Variants in CTNNAL1 observed in about 807,000 individuals in gnomAD.
CTNNAL1 encodes catenin alpha like 1.
Under a neutral mutation model 93.6 loss-of-function variants are expected in CTNNAL1, and 69 were observed. The observed-to-expected ratio is 0.74, with a 90% CI of 0.61 to 0.90. The LOEUF is 0.90. Among genes scored for constraint, CTNNAL1 ranks in the 40% least tolerant of loss-of-function variants. The pLI is 0.00. For missense variants in CTNNAL1, 836 were observed against 862.0 expected, an observed-to-expected ratio of 0.97 and a Z score of 0.38; for synonymous variants, 286 against 305.4, an observed-to-expected ratio of 0.94 and a Z score of 0.66.
At chr9:108,950,342 A>G (rs1830524353) in intron 14 of CTNNAL1, among the ~76,000 whole-genome samples, 1 of 152,220 alleles carries the variant, frequency 6.6e-6, no homozygotes, top group Non-Finnish European at 1.5e-5. Flanking sequence ...TCATGTTGGG[A>G]AGACTCAATC....
chr9:108,953,350 G>C (rs192093347), intron 12 of CTNNAL1, among the ~76,000 whole-genome samples: 63 of 152,288 alleles, frequency 4.1e-4, no homozygotes, highest in African/African-American at 1.4e-3. Flanking sequence ...CTCCAACTCT[G>C]AGATCTGGTG....
intron 9 of CTNNAL1, 61 bp from the exon 10 acceptor site, chr9:108,970,555 T>C: frequency 1.4e-6 from 2 of 1,387,616 alleles, no homozygotes. Context: ...ATACATAGTA[T>C]CATTTTATAA....
chr9:108,955,971 C>T, intron 11 of CTNNAL1, 144 bp from the exon 12 acceptor site: 1 of 520,304 alleles, frequency 1.9e-6, no homozygotes, highest in East Asian at 3.6e-5. Flanking sequence ...ACATAAAATT[C>T]AGAAATAAAA....
intron 8 of CTNNAL1, among the ~76,000 whole-genome samples, chr9:108,973,845 G>A (rs1342388845): frequency 6.6e-6 from 1 of 152,134 alleles, no homozygotes; most frequent in Non-Finnish European, 1.5e-5. Context: ...CAAATTAGAG[G>A]ATTGTCTCCA....
At chr9:108,957,615 G>A (rs1216720385) in intron 11 of CTNNAL1, among the ~76,000 whole-genome samples, 1 of 152,018 alleles carries the variant, frequency 6.6e-6, no homozygotes, top group Admixed American at 6.6e-5. Flanking sequence ...ATGGTGAGGG[G>A]AAAAAACTTA....
chr9:108,945,498 G>C (rs1167721931), intron 15 of CTNNAL1, among the ~76,000 whole-genome samples: 1 of 123,782 alleles, frequency 8.1e-6, no homozygotes, highest in Non-Finnish European at 1.6e-5. Flanking sequence ...GTCTCACTCT[G>C]TTGTCCAGAG....
intron 8 of CTNNAL1, 31 bp from the exon 9 acceptor site, chr9:108,972,864 G>GGGCCGCCCC: frequency 7.0e-6 from 1 of 142,590 alleles, no homozygotes; most frequent in Non-Finnish European, 1.0e-5. Flanking sequence ...GGGGGGGTGG[G>GGGCCGCCCC]AGGGTGGAGA....
rs1830273538 is a variant in CTNNAL1 at position 108,942,618 on chromosome 9, C to A, written c.*151G>T. ...ATTTATTAGTTGTCAAAAAGCTTTA[C>A]AATCAGTTTCATGATCAGAAAATAG... On this transcript the variant is annotated 3_prime_UTR_variant, in exon 19 of 19. Coordinates refer to ENST00000325551, the MANE Select transcript of CTNNAL1 (RefSeq NM_003798.4). The A allele has an allele frequency of 5.0e-6, 3 of 601,104 alleles. No homozygotes were observed. The Admixed American group carries it at 9.6e-5, about 19-fold the overall frequency. The allele number at this position is 601,104 out of a possible 1,614,324, so 37.2% of individuals were successfully genotyped here.
Position 108,942,646 on chromosome 9 carries a change from C to A in CTNNAL1, c.*123G>T. On this transcript the variant is annotated 3_prime_UTR_variant, in exon 19 of 19. Coordinates refer to ENST00000325551, the MANE Select transcript of CTNNAL1 (RefSeq NM_003798.4). The stretch of plus-strand genomic sequence containing the variant: ...TCAGTTTCATGATCAGAAAATAGAG[C>A]AAAATTTCAATATTGTTTTCTTTAT... The A allele has an allele frequency of 1.4e-6, 1 of 714,772 alleles. No homozygotes were observed. Among genetic ancestry groups the A allele is most frequent in the Non-Finnish European group, 2.3e-6 (1 of 434,000 alleles). The allele number at this position is 714,772 out of a possible 1,614,324, so 44.3% of individuals were successfully genotyped here. A position where few individuals can be genotyped will look rare whatever the true frequency, so the allele number is the denominator to read the frequency against.
rs1831614948 is a variant in CTNNAL1, at chr9:108,986,569, T to C, written c.640-2133A>G. ...GTAATGGGATGGCTGGGTCAAATGG[T>C]ATTTCTAGTTCTAGATCCCTGAGGA... On this transcript the variant is annotated intron_variant, in intron 4 of 18. Transcript: ENST00000325551. 2.0e-5 allele frequency among the ~76,000 whole-genome samples: 3 copies of C among 151,742 alleles called. No homozygotes were observed. In the South Asian group the frequency reaches 6.3e-4, roughly 32 times the overall value.
At chr9:109,004,889 G>T (rs184736125) in intron 1 of CTNNAL1, among the ~76,000 whole-genome samples, 5 of 152,056 alleles carry the variant, frequency 3.3e-5, no homozygotes, top group Non-Finnish European at 4.4e-5. Context: ...AGTGTTCAAA[G>T]ACATACTATA....
chr9:108,988,129 G>C (rs2132166869), intron 4 of CTNNAL1, among the ~76,000 whole-genome samples: 1 of 152,170 alleles, frequency 6.6e-6, no homozygotes, highest in East Asian at 1.9e-4. Context: ...CCTTGCCCAG[G>C]CTGGAGCGCA....
chr9:108,980,421 G>C (rs1831393526), intron 6 of CTNNAL1, among the ~76,000 whole-genome samples: 1 of 152,184 alleles, frequency 6.6e-6, no homozygotes. Flanking sequence ...TGGTCACAAT[G>C]AATGTGATAA....
chr9:108,955,585 ACC>A (rs1830669478), intron 12 of CTNNAL1, among the ~76,000 whole-genome samples: 1 of 152,044 alleles, frequency 6.6e-6, no homozygotes, highest in African/African-American at 2.4e-5. Flanking sequence ...ATTCTCTCAA[ACC>A]CCCAAACCTA....
At chr9:108,991,868 T>TA in intron 3 of CTNNAL1, 1 of 568,144 alleles carries the variant, frequency 1.8e-6, no homozygotes, top group Non-Finnish European at 3.1e-6. Flanking sequence ...TGATCGTACA[T>TA]ACCCTGGATT....
intron 11 of CTNNAL1, among the ~76,000 whole-genome samples, chr9:108,958,074 A>C (rs1191796731): frequency 6.6e-6 from 1 of 151,368 alleles, no homozygotes; most frequent in East Asian, 1.9e-4. Flanking sequence ...AAAAAAAAAA[A>C]AAAAAAAAAA....
chr9:108,963,077 T>C (rs977699808), intron 11 of CTNNAL1, among the ~76,000 whole-genome samples: 1 of 152,202 alleles, frequency 6.6e-6, no homozygotes, highest in African/African-American at 2.4e-5. Context: ...AAATTACTTA[T>C]ATTTATAGAA....
chr9:108,955,767 A>G (rs1234933872), intron 12 of CTNNAL1, 23 bp downstream of exon 12: 1 of 1,587,186 alleles, frequency 6.3e-7, no homozygotes, highest in Non-Finnish European at 8.6e-7. Context: ...ACATTCTGCA[A>G]TGTACATAAT....
chr9:109,003,006 C>A (rs1398707053), intron 1 of CTNNAL1, among the ~76,000 whole-genome samples: 1 of 151,776 alleles, frequency 6.6e-6, no homozygotes, highest in African/African-American at 2.4e-5. Flanking sequence ...AAAAAAAAAT[C>A]TTCTCCAGAT....
Sources: gnomAD v4.1 joint callset for allele counts (sites outside exome capture counted in the v4.1 genomes callset) on GRCh38, gnomAD v4.1.1 for gene constraint, MANE v1.5 for transcripts, NCBI Gene and HGNC (gene_info 2026-07-23, HGNC 2026-07-21) for gene names.